NDST3: variants seen among roughly 807,000 people sequenced by gnomAD.
NDST3 encodes the protein N-deacetylase and N-sulfotransferase 3, also known as bifunctional heparan sulfate N-deacetylase/N-sulfotransferase 3.
NDST3 carries 58 observed loss-of-function variants against 96.1 expected under a neutral mutation model. The observed-to-expected ratio is 0.60, with a 90% CI of 0.49 to 0.75. The LOEUF (loss-of-function observed/expected upper bound fraction) is 0.75, where lower values mean the gene tolerates loss of function less well. Ranked by LOEUF, NDST3 falls within the 30% of genes least tolerant of loss-of-function variation. NDST3 has a pLI of 0.00. For missense variants in NDST3, 788 were observed against 1,034.2 expected (o/e 0.76, Z 3.27); for synonymous variants, 333 against 359.7 (o/e 0.93, Z 0.84).
At chr4:118,123,680 C>T (rs759091059) in intron 4 of NDST3, among the ~76,000 whole-genome samples, 6 of 152,056 alleles carry the variant, frequency 3.9e-5, no homozygotes, top group Non-Finnish European at 5.9e-5. Context: ...CTCACAAAAG[C>T]GCATCCTTTA....
At chr4:118,194,749 C>A in intron 6 of NDST3, 1 of 480,488 alleles carries the variant, frequency 2.1e-6, no homozygotes, top group South Asian at 2.3e-5. Flanking sequence ...CCTCAACTGT[C>A]ATCTCCACGC....
chr4:118,126,894 G>A (rs980012924), intron 4 of NDST3, among the ~76,000 whole-genome samples: 3 of 151,740 alleles, frequency 2.0e-5, no homozygotes, highest in Admixed American at 6.6e-5. Context: ...TTTTAACTGG[G>A]GTGAGATGAC....
intron 6 of NDST3, among the ~76,000 whole-genome samples, chr4:118,207,935 T>G (rs1278728181): frequency 6.9e-6 from 1 of 144,534 alleles, no homozygotes; most frequent in Non-Finnish European, 1.5e-5. Flanking sequence ...GTGCCTCTTA[T>G]GTGCAGTTCT....
chr4:118,148,380 T>TC lies in NDST3; in HGVS notation c.1539+4697dup, dbSNP rs1734114327. On this transcript the variant is annotated intron_variant, in intron 6 of 13. Transcript: ENST00000296499. ...ACCATGTAACAATATTGTGCCTCCTTCATCAAACCATTAACCATCCCACAG... is the reference window on the plus strand; with the variant it reads ...ACCATGTAACAATATTGTGCCTCCTTCCATCAAACCATTAACCATCCCACAG... 2.0e-5 allele frequency among the ~76,000 whole-genome samples: 3 copies of TC among 152,314 alleles called. No homozygotes were observed. In the South Asian group the frequency reaches 6.2e-4, roughly 32 times the overall value.
At position 118,034,552 on chromosome 4, in the gene NDST3, C is replaced by T. The variant is rs975206941; in HGVS notation, c.-196C>T. 1.3e-5 allele frequency: 2 copies of T among 152,160 alleles called. No homozygotes were observed. Among genetic ancestry groups the T allele is most frequent in the African/African-American group, 4.8e-5 (2 of 41,430 alleles). 9.4% of individuals were successfully genotyped at this position (152,160 alleles called of 1,614,324 possible). On this transcript the variant is annotated 5_prime_UTR_variant, in exon 1 of 14. Transcript: ENST00000296499. ...GTTTCCGTTTCTTTTCCATCTATTGCAACTTTCTCAAGCATTTTCAGCTCT... is the reference window on the plus strand; with the variant it reads ...GTTTCCGTTTCTTTTCCATCTATTGTAACTTTCTCAAGCATTTTCAGCTCT...
intron 6 of NDST3, among the ~76,000 whole-genome samples, chr4:118,146,501 G>C (rs1374395050): frequency 6.6e-6 from 1 of 152,094 alleles, no homozygotes; most frequent in Non-Finnish European, 1.5e-5. Context: ...GGGTGAGAAA[G>C]GGTTACAATA....
At chr4:118,107,403 T>A (rs555129672) in intron 3 of NDST3, among the ~76,000 whole-genome samples, 26 of 152,258 alleles carry the variant, frequency 1.7e-4, no homozygotes, top group South Asian at 4.1e-4. Context: ...AAAAAACTGA[T>A]TACATGTATT....
chr4:118,255,701 A>G lies in NDST3; in HGVS notation c.2611A>G (p.Lys871Glu). ...ATCCTGGCTGAGACAGGAGCTGCAG[A>G]AAGTAAGATAGCACTGAGAGAAAAC... ...LPSWLRQELQKVR is the reference protein window; with the variant it reads ...LPSWLRQELQEVR The change falls in exon 14 of 14, where the codon AAA becomes GAA. Residue 871 changes from lysine (K) to glutamate (E), a missense_variant. Coordinates refer to ENST00000296499, the MANE Select transcript of NDST3 (RefSeq NM_004784.3). 1 of 1,612,728 alleles carries G rather than the reference A, an allele frequency of 6.2e-7. No individual in the cohort carries two copies. Among genetic ancestry groups the G allele is most frequent in the Non-Finnish European group, 8.5e-7 (1 of 1,179,222 alleles).
chr4:118,181,236 C>G (rs1157579847), intron 6 of NDST3, among the ~76,000 whole-genome samples: 1 of 152,048 alleles, frequency 6.6e-6, no homozygotes, highest in East Asian at 1.9e-4. Context: ...TCTATTCCCT[C>G]TTAGTAATTT....
intron 6 of NDST3, among the ~76,000 whole-genome samples, chr4:118,172,239 A>G (rs1051904122): frequency 6.6e-6 from 1 of 152,196 alleles, no homozygotes; most frequent in Non-Finnish European, 1.5e-5. Flanking sequence ...TGTCTTTTGT[A>G]GTAAAATTGG....
chr4:118,169,611 T>A lies in NDST3; in HGVS notation c.1539+25927T>A, dbSNP rs554036932. ...GAGTTTGAAACTAGCCTGGCCAACA[T>A]GGCAAAACCCCGTCTTTACTAAAAA... On this transcript the variant is annotated intron_variant, in intron 6 of 13. Transcript: ENST00000296499. 5.3e-5 allele frequency among the ~76,000 whole-genome samples: 8 copies of A among 152,078 alleles called. No homozygotes were observed. The East Asian group carries it at 1.5e-3, about 29-fold the overall frequency.
chr4:118,153,427 G>C (rs1465036850), intron 6 of NDST3, among the ~76,000 whole-genome samples: 1 of 152,118 alleles, frequency 6.6e-6, no homozygotes, highest in Non-Finnish European at 1.5e-5. Flanking sequence ...CAGCGGAGTG[G>C]CCAGTAGCAA....
chr4:118,100,925 C>A (rs1729713602), intron 2 of NDST3, among the ~76,000 whole-genome samples: 1 of 151,966 alleles, frequency 6.6e-6, no homozygotes, highest in South Asian at 2.1e-4. Context: ...AGGAGCTTAT[C>A]ATTTGCTGCT....
At chr4:118,086,170 G>A (rs1026673779) in intron 2 of NDST3, among the ~76,000 whole-genome samples, 2 of 151,996 alleles carry the variant, frequency 1.3e-5, no homozygotes, top group African/African-American at 4.8e-5. Context: ...TCCCTTTCAC[G>A]CAATGTACTT....
chr4:118,195,758 T>C (rs1737641511), intron 6 of NDST3, among the ~76,000 whole-genome samples: 1 of 152,270 alleles, frequency 6.6e-6, no homozygotes, highest in South Asian at 2.1e-4. Context: ...TGGTGGCGTC[T>C]TTGGGTTTTC....
chr4:118,212,940 T>C (rs1738902382), intron 6 of NDST3, among the ~76,000 whole-genome samples: 2 of 152,240 alleles, frequency 1.3e-5, no homozygotes, highest in South Asian at 4.1e-4. Flanking sequence ...TTTTAGCATG[T>C]ATTATCTCAT....
intron 5 of NDST3, 88 bp from the exon 6 acceptor site, chr4:118,143,461 GCTTGTGC>G: frequency 7.6e-7 from 1 of 1,307,966 alleles, no homozygotes; most frequent in Non-Finnish European, 1.1e-6. Flanking sequence ...TAATTCACTA[GCTTGTGC>G]ATCATCTTGT....
chr4:118,111,392 T>C (rs895337765), intron 3 of NDST3, among the ~76,000 whole-genome samples: 1 of 152,116 alleles, frequency 6.6e-6, no homozygotes, highest in Non-Finnish European at 1.5e-5. Context: ...ATTGAGGAAT[T>C]TGACTTCTTG....
At chr4:118,209,759 T>C (rs967541924) in intron 6 of NDST3, among the ~76,000 whole-genome samples, 1 of 152,200 alleles carries the variant, frequency 6.6e-6, no homozygotes, top group African/African-American at 2.4e-5. Context: ...CCCTTCCAAC[T>C]TTCCTTTAAA....
Sources: gnomAD v4.1 joint callset for allele counts (sites outside exome capture counted in the v4.1 genomes callset) on GRCh38, gnomAD v4.1.1 for gene constraint, MANE v1.5 for transcripts, NCBI Gene and HGNC (gene_info 2026-07-23, HGNC 2026-07-21) for gene names.